Variants in CFAP58 observed in about 807,000 individuals in gnomAD.
CFAP58 encodes the protein cilia and flagella associated protein 58.
Under a neutral mutation model 119.5 loss-of-function variants are expected in CFAP58, and 88 were observed. That is an observed-to-expected ratio of 0.74 (90% CI 0.62 to 0.88). CFAP58 has a LOEUF of 0.88. Among genes scored for constraint, CFAP58 ranks in the 40% least tolerant of loss-of-function variants. The pLI is 0.00. For synonymous variants in CFAP58, 365 were observed against 366.3 expected, an observed-to-expected ratio of 1.00 and a Z score of 0.04; for missense variants, 990 against 1,021.2, an observed-to-expected ratio of 0.97 and a Z score of 0.42.
intron 14 of CFAP58, among the ~76,000 whole-genome samples, chr10:104,405,947 A>G (rs1298765640): frequency 6.6e-6 from 1 of 152,158 alleles, no homozygotes; most frequent in African/African-American, 2.4e-5. Flanking sequence ...TCACAAAAAA[A>G]TTAACCAGGT....
chr10:104,345,046 C>T, the CFAP58 span, among the ~76,000 whole-genome samples: 1 of 151,924 alleles, frequency 6.6e-6, no homozygotes, highest in Non-Finnish European at 1.5e-5. Flanking sequence ...ACTCGGGAGG[C>T]TGAGGCAGGA....
Position 104,357,910 on chromosome 10 carries a change from CACACATATATGT to C in CFAP58, c.10-421_10-410del, listed in dbSNP as rs1364744810. ...ATATAAACATATATGTACACATATA[CACACATATATGT>C]ACACATATACACACATATATGTACA... On this transcript the variant is annotated intron_variant, in intron 1 of 17. Coordinates refer to ENST00000369704, the MANE Select transcript of CFAP58 (RefSeq NM_001008723.2). Among the ~76,000 whole-genome samples, 30 of 100,754 alleles carry C rather than the reference CACACATATATGT, an allele frequency of 3.0e-4. 1 individual carries two copies. The Middle Eastern group carries it at 0.049, about 164-fold the overall frequency. 66.1% of individuals were successfully genotyped at this position (100,754 alleles called of 152,430 possible). A position where few individuals can be genotyped will look rare whatever the true frequency, so the allele number is the denominator to read the frequency against.
rs933780447 is a variant in CFAP58, at chr10:104,454,739, T to A, written c.*209T>A. On this transcript the variant is annotated 3_prime_UTR_variant, in exon 18 of 18. Coordinates refer to ENST00000369704, the MANE Select transcript of CFAP58 (RefSeq NM_001008723.2). ...ATTAACAGATCATAATTCTCTCTGT[T>A]CAGTTAGGCTGACCTATTGCATGAA... The A allele has an allele frequency of 1.1e-5, 6 of 524,594 alleles. No homozygotes were observed. The highest frequency in any genetic ancestry group is 2.0e-5 in the Non-Finnish European group (6 of 297,528). 32.5% of individuals were successfully genotyped at this position (524,594 alleles called of 1,614,324 possible). A position where few individuals can be genotyped will look rare whatever the true frequency, so the allele number is the denominator to read the frequency against.
At chr10:104,386,387 A>AAT (rs2011925498) in intron 9 of CFAP58, among the ~76,000 whole-genome samples, 7 of 148,514 alleles carry the variant, frequency 4.7e-5, no homozygotes, top group African/African-American at 9.8e-5. Context: ...CAAAAAAAAA[A>AAT]AAATAAATAA....
intron 15 of CFAP58, among the ~76,000 whole-genome samples, chr10:104,413,066 G>A (rs1175777036): frequency 6.6e-6 from 1 of 152,164 alleles, no homozygotes; most frequent in Non-Finnish European, 1.5e-5. Context: ...AAGGAGTTCT[G>A]GTGTCTGTCT....
intron 15 of CFAP58, among the ~76,000 whole-genome samples, chr10:104,439,154 G>C (rs1338762163): frequency 1.3e-5 from 2 of 152,236 alleles, no homozygotes; most frequent in Non-Finnish European, 2.9e-5. Context: ...ATGGTTGTAA[G>C]CACAGGGGTG....
intron 9 of CFAP58, among the ~76,000 whole-genome samples, chr10:104,386,614 T>A (rs2011931154): frequency 6.6e-6 from 1 of 152,066 alleles, no homozygotes; most frequent in African/African-American, 2.4e-5. Context: ...CTGTTACTTG[T>A]GTATGTCTGC....
intron 9 of CFAP58, among the ~76,000 whole-genome samples, chr10:104,383,987 G>A (rs1176469390): frequency 1.3e-5 from 2 of 152,144 alleles, no homozygotes; most frequent in African/African-American, 4.8e-5. Context: ...AAGAAATGGA[G>A]AGATTTATAT....
At chr10:104,357,889 AAACATATATG>A (rs1189129958) in intron 1 of CFAP58, among the ~76,000 whole-genome samples, 1 of 101,638 alleles carries the variant, frequency 9.8e-6, no homozygotes, top group African/African-American at 6.3e-5. Flanking sequence ...ACACATATAT[AAACATATATG>A]TACACATATA....
chr10:104,406,713 C>G lies in CFAP58; in HGVS notation c.2176C>G (p.Leu726Val). 2 of 1,614,138 alleles carry G rather than the reference C, an allele frequency of 1.2e-6. No homozygotes were observed. Among genetic ancestry groups the G allele is most frequent in the Non-Finnish European group, 1.7e-6 (2 of 1,180,020 alleles). ...GGCCAGCGACCCCAATGCATATGAG[C>G]TGATACAGAAAATTCACACCCTGCA... ...LEASDPNAYE[L>V]IQKIHTLQKR... The change falls in exon 15 of 18, where the codon CTG becomes GTG. Residue 726 changes from leucine (L) to valine (V), a missense_variant. Transcript: ENST00000369704.
chr10:104,377,530 T>C (rs1486673605), intron 8 of CFAP58, among the ~76,000 whole-genome samples: 2 of 152,164 alleles, frequency 1.3e-5, no homozygotes, highest in African/African-American at 4.8e-5. Context: ...AAGTCACTTT[T>C]AGTTACAGGG....
At chr10:104,357,883 A>G (rs1197024965) in intron 1 of CFAP58, among the ~76,000 whole-genome samples, 2 of 119,724 alleles carry the variant, frequency 1.7e-5, no homozygotes, top group South Asian at 2.4e-4. Flanking sequence ...ATATGTACAC[A>G]TATATAAACA....
intron 15 of CFAP58, among the ~76,000 whole-genome samples, chr10:104,420,590 A>G (rs772312898): frequency 6.6e-6 from 1 of 152,188 alleles, no homozygotes; most frequent in Non-Finnish European, 1.5e-5. Context: ...CTTCTATGAC[A>G]TACAATTTAC....
chr10:104,381,086 G>A (rs2011789891), intron 9 of CFAP58, among the ~76,000 whole-genome samples: 1 of 152,142 alleles, frequency 6.6e-6, no homozygotes, highest in South Asian at 2.1e-4. Flanking sequence ...GGAGGTGGAG[G>A]CTACAGTGAG....
the CFAP58 span, among the ~76,000 whole-genome samples, chr10:104,345,867 C>T: frequency 2.1e-4 from 32 of 152,106 alleles, no homozygotes; most frequent in Non-Finnish European, 4.4e-4. Flanking sequence ...GATATAAAAG[C>T]ATTGGCCCAT....
intron 15 of CFAP58, among the ~76,000 whole-genome samples, chr10:104,420,378 G>C (rs1226907149): frequency 6.6e-6 from 1 of 152,124 alleles, no homozygotes; most frequent in African/African-American, 2.4e-5. Flanking sequence ...TTTAAAAACC[G>C]GTTTATACCT....
chr10:104,451,573 A>G (rs1461660781), intron 17 of CFAP58, among the ~76,000 whole-genome samples: 3 of 152,216 alleles, frequency 2.0e-5, no homozygotes, highest in Non-Finnish European at 4.4e-5. Context: ...CTTCAGAACC[A>G]CTAATATTAA....
At chr10:104,411,615 C>A (rs1387554000) in intron 15 of CFAP58, among the ~76,000 whole-genome samples, 1 of 151,768 alleles carries the variant, frequency 6.6e-6, no homozygotes, top group Non-Finnish European at 1.5e-5. Context: ...CTGCCAGGTG[C>A]CTTAGAAGGT....
chr10:104,420,145 A>T (rs1219685965), intron 15 of CFAP58, among the ~76,000 whole-genome samples: 6 of 144,802 alleles, frequency 4.1e-5, no homozygotes, highest in Non-Finnish European at 7.5e-5. Context: ...TTTTTTTACG[A>T]TTGTGTTCAG....
Sources: gnomAD v4.1 joint callset for allele counts (sites outside exome capture counted in the v4.1 genomes callset) on GRCh38, gnomAD v4.1.1 for gene constraint, MANE v1.5 for transcripts, NCBI Gene and HGNC (gene_info 2026-07-23, HGNC 2026-07-21) for gene names.